The following MEIS1 variants were observed in gnomAD, a reference collection of about 807,000 sequenced individuals.
MEIS1 encodes homeobox protein Meis1.
Under a neutral mutation model 50.8 loss-of-function variants are expected in MEIS1, and 5 were observed. That is an observed-to-expected ratio of 0.10 (90% CI 0.05 to 0.21). The LOEUF (loss-of-function observed/expected upper bound fraction) is 0.21, where lower values mean the gene tolerates loss of function less well. Among genes scored for constraint, MEIS1 ranks in the 10% least tolerant of loss-of-function variants. The pLI, the probability that MEIS1 is intolerant of heterozygous loss-of-function variation, is 1.00. For missense variants in MEIS1, 318 were observed against 517.3 expected, an observed-to-expected ratio of 0.61 and a Z score of 3.74; for synonymous variants, 176 against 179.3, an observed-to-expected ratio of 0.98 and a Z score of 0.15.
intron 7 of MEIS1, among the ~76,000 whole-genome samples, chr2:66,499,626 A>G (rs1673499069): frequency 6.6e-6 from 1 of 150,966 alleles, no homozygotes; most frequent in African/African-American, 2.4e-5. Context: ...TAGCCGAATC[A>G]TAGTGCTCAT....
intron 8 of MEIS1, among the ~76,000 whole-genome samples, chr2:66,532,568 A>G (rs1674420227): frequency 6.6e-6 from 1 of 152,146 alleles, no homozygotes. Context: ...CCATTATCAC[A>G]TATTGGTTAA....
chr2:66,541,548 CT>C (rs1215665642), intron 8 of MEIS1, among the ~76,000 whole-genome samples: 1 of 152,174 alleles, frequency 6.6e-6, no homozygotes, highest in East Asian at 1.9e-4. Flanking sequence ...CTTTTAACTG[CT>C]GTTGGATATA....
At chr2:66,523,693 A>T (rs1674182711) in intron 8 of MEIS1, among the ~76,000 whole-genome samples, 2 of 152,224 alleles carry the variant, frequency 1.3e-5, no homozygotes, top group South Asian at 4.1e-4. Flanking sequence ...GTAGCATTCA[A>T]ATGTGGCATT....
chr2:66,457,694 C>G (rs1672424542), intron 6 of MEIS1, among the ~76,000 whole-genome samples: 1 of 152,224 alleles, frequency 6.6e-6, no homozygotes, highest in Admixed American at 6.5e-5. Context: ...TGCACCCCCC[C>G]AGACAGTGTG....
chr2:66,490,474 CT>C (rs35604945), intron 7 of MEIS1, among the ~76,000 whole-genome samples: 22,025 of 152,052 alleles, frequency 0.14, 3,738 homozygotes, highest in African/African-American at 0.41. Context: ...TGCAAGCTTA[CT>C]TTTTAAAAAG....
At chr2:66,514,581 T>C (rs1673915418) in intron 8 of MEIS1, among the ~76,000 whole-genome samples, 1 of 152,196 alleles carries the variant, frequency 6.6e-6, no homozygotes, top group Non-Finnish European at 1.5e-5. Context: ...TGTGAATGTT[T>C]ATAGGTGTTA....
intron 8 of MEIS1, among the ~76,000 whole-genome samples, chr2:66,542,022 C>T (rs17625742): frequency 0.23 from 35,458 of 152,028 alleles, 5,115 homozygotes; most frequent in Non-Finnish European, 0.33. Flanking sequence ...GTAATTGTCA[C>T]AGTGTAAGCT....
intron 8 of MEIS1, among the ~76,000 whole-genome samples, chr2:66,535,822 G>C (rs1412641846): frequency 6.6e-6 from 1 of 152,034 alleles, no homozygotes; most frequent in Admixed American, 6.6e-5. Context: ...CCTTTAGTTT[G>C]ATTGCAAGAT....
At chr2:66,472,288 G>GCA (rs1672780062) in intron 7 of MEIS1, among the ~76,000 whole-genome samples, 4 of 152,092 alleles carry the variant, frequency 2.6e-5, no homozygotes, top group Non-Finnish European at 4.4e-5. Flanking sequence ...TTAATTTTAG[G>GCA]GAAGCATCCA....
At chr2:66,459,549 A>G (rs932864714) in intron 6 of MEIS1, among the ~76,000 whole-genome samples, 1 of 152,196 alleles carries the variant, frequency 6.6e-6, no homozygotes, top group East Asian at 1.9e-4. Context: ...ATCTGGTGGA[A>G]TGGAACTCTT....
chr2:66,501,111 T>C (rs1450729875), intron 7 of MEIS1, among the ~76,000 whole-genome samples: 2 of 152,158 alleles, frequency 1.3e-5, no homozygotes, highest in African/African-American at 4.8e-5. Context: ...TTATATGTAT[T>C]TTGGGGAGCA....
chr2:66,531,846 G>A (rs1674399138), intron 8 of MEIS1, among the ~76,000 whole-genome samples: 1 of 152,032 alleles, frequency 6.6e-6, no homozygotes, highest in African/African-American at 2.4e-5. Context: ...AGCCAAGACA[G>A]TGTCTGTAAA....
chr2:66,473,917 C>A (rs1028995484), intron 7 of MEIS1, among the ~76,000 whole-genome samples: 1 of 152,096 alleles, frequency 6.6e-6, no homozygotes, highest in Non-Finnish European at 1.5e-5. Flanking sequence ...TATTAAATGG[C>A]ATAGTATTTG....
chr2:66,552,815 A>G (rs1476670865), intron 9 of MEIS1, among the ~76,000 whole-genome samples: 1 of 152,238 alleles, frequency 6.6e-6, no homozygotes, highest in African/African-American at 2.4e-5. Context: ...TTCTATAAAT[A>G]TAGGTACCTG....
chr2:66,561,202 G>T (rs1333233297), intron 9 of MEIS1, among the ~76,000 whole-genome samples: 1 of 152,052 alleles, frequency 6.6e-6, no homozygotes, highest in African/African-American at 2.4e-5. Context: ...TTCCCTGAGG[G>T]TTTGTTTATA....
chr2:66,558,654 A>C (rs942919759), intron 9 of MEIS1, among the ~76,000 whole-genome samples: 1 of 152,182 alleles, frequency 6.6e-6, no homozygotes, highest in Non-Finnish European at 1.5e-5. Flanking sequence ...GTGCCATTCT[A>C]TAGCCTAATT....
chr2:66,501,995 A>T (rs1673568212), intron 7 of MEIS1, among the ~76,000 whole-genome samples: 1 of 152,198 alleles, frequency 6.6e-6, no homozygotes, highest in Admixed American at 6.5e-5. Flanking sequence ...GTGAAGTGAT[A>T]GAAGCTTAAT....
chr2:66,551,277 GAC>G (rs914764691), intron 9 of MEIS1, among the ~76,000 whole-genome samples: 5 of 152,110 alleles, frequency 3.3e-5, no homozygotes, highest in African/African-American at 1.2e-4. Flanking sequence ...TTCTCGAATT[GAC>G]AGTGATATAT....
intron 9 of MEIS1, among the ~76,000 whole-genome samples, chr2:66,553,466 A>G (rs145055401): frequency 1.8e-4 from 28 of 152,332 alleles, no homozygotes; most frequent in Admixed American, 7.2e-4. Flanking sequence ...AGTAATACTC[A>G]CTAGATAAAA....
Sources: allele counts gnomAD v4.1 joint callset (sites outside exome capture counted in the v4.1 genomes callset), GRCh38; gene constraint gnomAD v4.1.1; transcripts MANE v1.5; gene names NCBI Gene and HGNC (gene_info 2026-07-23, HGNC 2026-07-21).